Variants in KRABD2 observed in about 807,000 individuals in gnomAD.
The protein encoded by KRABD2 is KRAB domain containing 2.
At chr17:8,361,005 C>A in the KRABD2 span, among the ~76,000 whole-genome samples, 1 of 152,132 alleles carries the variant, frequency 6.6e-6, no homozygotes, top group Admixed American at 6.5e-5. Context: ...GTGCTAATGA[C>A]ATTCCAATGC....
chr17:8,371,541 T>C, the KRABD2 span: 1 of 1,581,110 alleles, frequency 6.3e-7, no homozygotes, highest in South Asian at 1.1e-5. Context: ...GCATGCAGCA[T>C]AAAGGACTCT....
At chr17:8,374,680 C>G in the KRABD2 span, among the ~76,000 whole-genome samples, 1 of 148,040 alleles carries the variant, frequency 6.8e-6, no homozygotes, top group African/African-American at 2.5e-5. Flanking sequence ...GGCGTGGGGG[C>G]TCACACCTGT....
At chr17:8,371,900 A>C in the KRABD2 span, 33 of 998,646 alleles carry the variant, frequency 3.3e-5, no homozygotes, top group Non-Finnish European at 3.7e-5. Flanking sequence ...ATAATTCCTT[A>C]GGGAGAGAAC....
chr17:8,362,153 G>A, the KRABD2 span, among the ~76,000 whole-genome samples: 4 of 152,082 alleles, frequency 2.6e-5, no homozygotes, highest in Non-Finnish European at 5.9e-5. This position sits in a 1 kb window ranked among gnomAD's most constrained non-coding sequence, Gnocchi z 4.2. Flanking sequence ...CTAACATGGT[G>A]AAACCCCGTC....
the KRABD2 span, among the ~76,000 whole-genome samples, chr17:8,374,073 C>T: frequency 2.6e-5 from 4 of 151,990 alleles, no homozygotes; most frequent in South Asian, 2.1e-4. Context: ...CCGGCCGCCC[C>T]GTCTGGGAAG....
At chr17:8,373,788 C>T in the KRABD2 span, 2 of 166,998 alleles carry the variant, frequency 1.2e-5, no homozygotes, top group South Asian at 1.4e-4. Flanking sequence ...CCCGCCGCCC[C>T]GTCTGGGATG....
At chr17:8,374,928 A>C in the KRABD2 span, among the ~76,000 whole-genome samples, 1 of 91,320 alleles carries the variant, frequency 1.1e-5, no homozygotes, top group Non-Finnish European at 2.1e-5. Context: ...ACAGAGCCAG[A>C]CTCTGTCACA....
the KRABD2 span, chr17:8,375,868 T>C: frequency 3.7e-4 from 455 of 1,224,122 alleles, 1 homozygote; most frequent in African/African-American, 6.3e-3. Flanking sequence ...ACTGGAAATA[T>C]TTCCAAAGCC....
chr17:8,371,190 C>G, the KRABD2 span: 1 of 912,344 alleles, frequency 1.1e-6, no homozygotes, highest in Non-Finnish European at 1.7e-6. Flanking sequence ...TTTCTTATGG[C>G]TGAGGAGTCT....
chr17:8,364,357 CT>C, the KRABD2 span, among the ~76,000 whole-genome samples: 1 of 151,940 alleles, frequency 6.6e-6, no homozygotes, highest in African/African-American at 2.4e-5. The surrounding 1 kb of genome is among the most constrained non-coding windows in gnomAD (Gnocchi z 4.4). Context: ...TTTTCTTTTT[CT>C]TTTTTCTTTT....
the KRABD2 span, among the ~76,000 whole-genome samples, chr17:8,361,674 C>T: frequency 6.6e-6 from 1 of 152,182 alleles, no homozygotes; most frequent in African/African-American, 2.4e-5. Context: ...CCTTCCACCT[C>T]AGCCACCCAA....
the KRABD2 span, among the ~76,000 whole-genome samples, chr17:8,366,277 G>T: frequency 1.3e-5 from 2 of 152,148 alleles, no homozygotes; most frequent in African/African-American, 4.8e-5. Context: ...GGAGTACACA[G>T]GTCCTGGGCA....
At chr17:8,367,293 TC>T in the KRABD2 span, 1 of 151,346 alleles carries the variant, frequency 6.6e-6, no homozygotes, top group African/African-American at 2.4e-5. Flanking sequence ...GGTCAGGAGA[TC>T]GAGACCATCC....
chr17:8,371,468 C>G, the KRABD2 span: 1 of 1,613,544 alleles, frequency 6.2e-7, no homozygotes, highest in Non-Finnish European at 8.5e-7. Flanking sequence ...GTCTTGGGGC[C>G]TGGGCTAAAG....
the KRABD2 span, chr17:8,371,636 AAGG>A: frequency 7.0e-7 from 1 of 1,425,954 alleles, no homozygotes; most frequent in Non-Finnish European, 9.2e-7. Flanking sequence ...GGATGAGGGA[AAGG>A]AGTTTTGCTT....
chr17:8,374,196 T>C, the KRABD2 span, among the ~76,000 whole-genome samples: 3 of 142,592 alleles, frequency 2.1e-5, no homozygotes, highest in African/African-American at 9.2e-5. Context: ...GGGGGAAATG[T>C]GGGGAAAAGA....
the KRABD2 span, among the ~76,000 whole-genome samples, chr17:8,365,025 A>G: frequency 7.8e-5 from 11 of 140,644 alleles, no homozygotes; most frequent in Admixed American, 5.5e-4. Context: ...CAAGAACGAA[A>G]CTCTGTTTAG....
the KRABD2 span, among the ~76,000 whole-genome samples, chr17:8,359,055 C>T: frequency 2.0e-4 from 31 of 152,190 alleles, no homozygotes; most frequent in Admixed American, 2.0e-3. Context: ...GGAATAGCTC[C>T]TCAGTCTTTC....
chr17:8,371,304 C>G, the KRABD2 span: 10 of 1,594,870 alleles, frequency 6.3e-6, no homozygotes, highest in Non-Finnish European at 8.6e-6. Context: ...ATTCTGAGCC[C>G]TTACCCTGTG....
Sources: gnomAD v4.1 joint callset for allele counts (sites outside exome capture counted in the v4.1 genomes callset) on GRCh38, gnomAD v4.1.1 for gene constraint, Gnocchi (gnomAD v3.1) non-coding constraint, MANE v1.5 for transcripts, NCBI Gene and HGNC (gene_info 2026-07-23, HGNC 2026-07-21) for gene names.